The following SPPL2C variants were observed in gnomAD, a reference collection of about 807,000 sequenced individuals.
The protein encoded by SPPL2C is signal peptide peptidase like 2C.
In SPPL2C, 33 loss-of-function variants were observed where a neutral mutation model predicts 38.8. The observed-to-expected ratio is 0.85, with a 90% CI of 0.64 to 1.14. The LOEUF (loss-of-function observed/expected upper bound fraction) is 1.14. Among genes scored for constraint, SPPL2C ranks in the 50% most tolerant of loss-of-function variants. The pLI is 0.00. For missense variants in SPPL2C, 899 were observed against 904.4 expected (o/e 0.99, Z 0.08); for synonymous variants, 384 against 390.7 (o/e 0.98, Z 0.20).
chr17:45,845,157 C>G lies in SPPL2C; in HGVS notation c.251C>G (p.Pro84Arg). Residue 84 changes from proline to arginine, a missense_variant, in exon 1 of 1, where the codon CCC (proline) becomes CGC (arginine). Transcript: ENST00000329196. ...CCCCACCAGGCCCAGCTCCGCTCCC[C>G]CAGCCAGCGGCCCCTCCGCCAGACC... ...DSPHQAQLRS[P>R]SQRPLRQTTA... 6.2e-7 allele frequency: 1 copy of G among 1,612,250 alleles called. No homozygotes were observed. The highest frequency in any genetic ancestry group is 8.5e-7 in the Non-Finnish European group (1 of 1,178,594).
In SPPL2C at chr17:45,845,442, C is replaced by A; in HGVS notation, c.536C>A (p.Pro179Gln). ...GTCCGCGTGGCCATGTACGCACCCC[C>A]AGAGCCCATCATCGACTACAACATG... Reference protein sequence around the residue: ...AVVRVAMYAPPEPIIDYNMLV... With the variant: ...AVVRVAMYAPQEPIIDYNMLV... Residue 179 changes from proline (P) to glutamine (Q), a missense_variant, in exon 1 of 1, where the codon CCA (proline) becomes CAA (glutamine). Transcript: ENST00000329196. 6.2e-7 allele frequency: 1 copy of A among 1,611,804 alleles called. No homozygotes were observed.
rs771564037 is a variant in SPPL2C, at chr17:45,845,571, G to C, written c.665G>C (p.Gly222Ala). ...RLQRRRARRG[G>A]GSGGHHQLQE... is the part of the protein sequence containing the mutation. ...CAGCGGCGCCGTGCCCGAAGAGGAG[G>C]GGGGTCTGGTGGTCACCATCAGCTG... Residue 222 changes from glycine to alanine, a missense_variant, in exon 1 of 1, where the codon GGG becomes GCG. Transcript: ENST00000329196. 4.4e-6 allele frequency: 7 copies of C among 1,605,032 alleles called. No homozygotes were observed. Among genetic ancestry groups the C allele is most frequent in the Admixed American group, 3.3e-5 (2 of 59,886 alleles).
At position 45,846,660 on chromosome 17, in the gene SPPL2C, C is replaced by A; in HGVS notation, c.1754C>A (p.Thr585Asn). The change falls in exon 1 of 1, where the codon ACC becomes AAC. Residue 585 changes from threonine to asparagine, a missense_variant. Coordinates refer to ENST00000329196, the MANE Select transcript of SPPL2C (RefSeq NM_175882.3). ...GGAGAAGACACCACTGAGATTGTCA[C>A]CATATCTGAGAATGAAGCCACCAAT... Reference protein sequence around the residue: ...NPGEDTTEIVTISENEATNPE... With the variant: ...NPGEDTTEIVNISENEATNPE... 7 of 1,614,222 alleles carry A rather than the reference C, an allele frequency of 4.3e-6. No homozygotes were observed. The highest frequency in any genetic ancestry group is 5.9e-6 in the Non-Finnish European group (7 of 1,180,046).
chr17:45,846,217 C>A lies in SPPL2C; in HGVS notation c.1311C>A (p.Cys437Ter). 6.2e-7 allele frequency: 1 copy of A among 1,614,202 alleles called. No individual in the cohort carries two copies. Among genetic ancestry groups the A allele is most frequent in the South Asian group, 1.1e-5 (1 of 91,080 alleles). ...PRLRVSALTLCSQPFSILGFG... is the reference protein window; with the variant it reads ...PRLRVSALTL Reference sequence around the variant, plus strand: ...TAAGAGTCTCCGCCTTGACCCTGTGCAGCCAGCCCTTCTCCATCCTTGGCT... The same window carrying A: ...TAAGAGTCTCCGCCTTGACCCTGTGAAGCCAGCCCTTCTCCATCCTTGGCT... The change falls in exon 1 of 1, where the codon TGC becomes TGA. Residue 437 changes from cysteine to a stop codon, truncating the protein, a stop_gained. Coordinates refer to ENST00000329196, the MANE Select transcript of SPPL2C (RefSeq NM_175882.3). LOFTEE classifies it high-confidence loss of function.
In SPPL2C at chr17:45,846,040, C is replaced by T. The variant is rs760501071; in HGVS notation, c.1134C>T (p.Phe378=). ...RLPTLKNCSS[F]LLALLAFDVF... Reference sequence around the variant, plus strand: ...CCACTCTCAAGAACTGCTCCTCCTTCCTGCTGGCCCTGCTGGCCTTTGATG... The same window carrying T: ...CCACTCTCAAGAACTGCTCCTCCTTTCTGCTGGCCCTGCTGGCCTTTGATG... The change falls in exon 1 of 1, where the codon TTC becomes TTT. Residue 378 remains phenylalanine, a synonymous_variant. Coordinates refer to ENST00000329196, the MANE Select transcript of SPPL2C (RefSeq NM_175882.3). 4.3e-6 allele frequency: 7 copies of T among 1,614,084 alleles called. No homozygotes were observed. Among genetic ancestry groups the T allele is most frequent in the Admixed American group, 3.3e-5 (2 of 60,012 alleles).
rs1443925918 is a variant in SPPL2C, at chr17:45,846,544, G to A, written c.1638G>A (p.Arg546=). The A allele has an allele frequency of 6.2e-7, 1 of 1,612,580 alleles. No individual in the cohort carries two copies. The highest frequency in any genetic ancestry group is 8.5e-7 in the Non-Finnish European group (1 of 1,179,964). Residue 546 remains arginine, a synonymous_variant, in exon 1 of 1, where the codon AGG becomes AGA. Coordinates refer to ENST00000329196, the MANE Select transcript of SPPL2C (RefSeq NM_175882.3). ...GLGCAPSAGS[R]QKQEGAADAH... ...GCTGTGCCCCTTCAGCTGGCTCTAG[G>A]CAGAAGCAGGAGGGCGCAGCAGATG...
Position 45,845,826 on chromosome 17 carries a change from G to C in SPPL2C, c.920G>C (p.Arg307Pro), listed in dbSNP as rs148362814. The C allele has an allele frequency of 6.2e-7, 1 of 1,606,896 alleles. No homozygotes were observed. The highest frequency in any genetic ancestry group is 1.3e-5 in the African/African-American group (1 of 75,042). Residue 307 changes from arginine to proline, a missense_variant, in exon 1 of 1, where the codon CGG becomes CCG. Transcript: ENST00000329196. Reference protein sequence around the residue: ...LSPLVCRLSLRQYQRPPHSLW... With the variant: ...LSPLVCRLSLPQYQRPPHSLW... ...CCCCTGGTGTGCCGCCTGTCCCTGC[G>C]GCAATACCAGAGGCCTCCGCACAGC...
Position 45,845,905 on chromosome 17 carries a change from C to G in SPPL2C, c.999C>G (p.Thr333=). 1.2e-6 allele frequency: 2 copies of G among 1,606,966 alleles called. No homozygotes were observed. Among genetic ancestry groups the G allele is most frequent in the South Asian group, 1.1e-5 (1 of 91,088 alleles). ...PLLLLASLCA[T]VIIFWVAYRN... ...TGCTGCTGGCGAGCCTGTGCGCAACCGTGATCATCTTCTGGGTGGCCTACC... is the reference window on the plus strand; with the variant it reads ...TGCTGCTGGCGAGCCTGTGCGCAACGGTGATCATCTTCTGGGTGGCCTACC... The change falls in exon 1 of 1, where the codon ACC becomes ACG. Residue 333 remains threonine (T), a synonymous_variant. Coordinates refer to ENST00000329196, the MANE Select transcript of SPPL2C (RefSeq NM_175882.3).
At position 45,845,146 on chromosome 17, in the gene SPPL2C, G is replaced by A. The variant is rs751411328; in HGVS notation, c.240G>A (p.Gln80=). The A allele has an allele frequency of 6.2e-7, 1 of 1,611,808 alleles. No individual in the cohort carries two copies. The highest frequency in any genetic ancestry group is 1.7e-5 in the Admixed American group (1 of 59,964). ...CPGEDSPHQA[Q]LRSPSQRPLR... ...GTGAGGATTCCCCCCACCAGGCCCA[G>A]CTCCGCTCCCCCAGCCAGCGGCCCC... is the stretch of plus-strand genomic sequence containing the variant. Residue 80 remains glutamine, a synonymous_variant, in exon 1 of 1, where the codon CAG becomes CAA. Coordinates refer to ENST00000329196, the MANE Select transcript of SPPL2C (RefSeq NM_175882.3).
In SPPL2C at chr17:45,846,990, A is replaced by C; in HGVS notation, c.*29A>C. 17 of 1,515,680 alleles carry C rather than the reference A, an allele frequency of 1.1e-5. No individual in the cohort carries two copies. The highest frequency in any genetic ancestry group is 1.4e-5 in the Non-Finnish European group (16 of 1,137,288). 93.9% of individuals were successfully genotyped at this position (1,515,680 alleles called of 1,614,324 possible). On this transcript the variant is annotated 3_prime_UTR_variant, in exon 1 of 1. Coordinates refer to ENST00000329196, the MANE Select transcript of SPPL2C (RefSeq NM_175882.3). Reference sequence around the variant, plus strand: ...GGAGGCACTGGGACACACGCCTCTCAAAGGGCTGGTGGAACATTGCAGAGC... The same window carrying C: ...GGAGGCACTGGGACACACGCCTCTCCAAGGGCTGGTGGAACATTGCAGAGC...
chr17:45,845,386 C>T lies in SPPL2C; in HGVS notation c.480C>T (p.Asp160=). ...VAMLHYADML[D]ILSHTRGEAV... ...TGCTCCACTATGCTGACATGCTGGA[C>T]ATCCTCAGCCACACTCGTGGGGAGG... Residue 160 remains aspartate (D), a synonymous_variant, in exon 1 of 1, where the codon GAC becomes GAT. Coordinates refer to ENST00000329196, the MANE Select transcript of SPPL2C (RefSeq NM_175882.3). The T allele has an allele frequency of 6.2e-7, 1 of 1,613,718 alleles. No individual in the cohort carries two copies. The highest frequency in any genetic ancestry group is 8.5e-7 in the Non-Finnish European group (1 of 1,180,036).
rs1321905466 is a variant in SPPL2C, at chr17:45,844,975, G to A, written c.69G>A (p.Lys23=). 1 of 1,614,024 alleles carries A rather than the reference G, an allele frequency of 6.2e-7. No individual in the cohort carries two copies. The highest frequency in any genetic ancestry group is 8.5e-7 in the Non-Finnish European group (1 of 1,179,994). Residue 23 remains lysine, a synonymous_variant, in exon 1 of 1, where the codon AAG becomes AAA. Coordinates refer to ENST00000329196, the MANE Select transcript of SPPL2C (RefSeq NM_175882.3). ...LLLISTVAGG[K]YGVAHVVSEN... ...TCATCAGCACCGTGGCCGGGGGAAA[G>A]TACGGCGTGGCCCACGTGGTGTCGG...
Position 45,846,312 on chromosome 17 carries a change from G to T in SPPL2C, c.1406G>T (p.Arg469Leu). 1 of 1,614,046 alleles carries T rather than the reference G, an allele frequency of 6.2e-7. No homozygotes were observed. The highest frequency in any genetic ancestry group is 8.5e-7 in the Non-Finnish European group (1 of 1,180,024). ...CGCTTTGATGTGCAAGTCTGCTCCCGTCAGATCTACTTCGTGGCCTGCACC... is the reference window on the plus strand; with the variant it reads ...CGCTTTGATGTGCAAGTCTGCTCCCTTCAGATCTACTTCGTGGCCTGCACC... ...CCRFDVQVCS[R>L]QIYFVACTVA... is the part of the protein sequence containing the mutation. Residue 469 changes from arginine to leucine, a missense_variant, in exon 1 of 1, where the codon CGT becomes CTT. Transcript: ENST00000329196.
chr17:45,844,951 C>T lies in SPPL2C; in HGVS notation c.45C>T (p.Leu15=), dbSNP rs1192248851. The change falls in exon 1 of 1, where the codon CTC becomes CTT. Residue 15 remains leucine (L), a synonymous_variant. Transcript: ENST00000329196. ...GFLLPVGFLL[L]ISTVAGGKYG... is the part of the protein sequence containing the mutation. ...TCCTCCCCGTGGGCTTCCTCCTCCT[C>T]ATCAGCACCGTGGCCGGGGGAAAGT... 1 of 1,613,900 alleles carries T rather than the reference C, an allele frequency of 6.2e-7. No homozygotes were observed.
rs150398987 is a variant in SPPL2C, at chr17:45,846,603, G to C, written c.1697G>C (p.Ser566Thr). The C allele has an allele frequency of 1.2e-5, 20 of 1,614,004 alleles. No homozygotes were observed. The highest frequency in any genetic ancestry group is 1.5e-5 in the Non-Finnish European group (18 of 1,180,044). ...HTASTLERGT[S>T]RGAGDLDSNP... ...GCCAGCACACTTGAGAGAGGCACCA[G>C]CCGAGGAGCAGGGGACTTAGACAGC... Residue 566 changes from serine to threonine, a missense_variant, in exon 1 of 1, where the codon AGC becomes ACC. Physicochemically the swap from Ser to Thr is moderately conservative, Grantham distance 58 (BLOSUM62 1). Coordinates refer to ENST00000329196, the MANE Select transcript of SPPL2C (RefSeq NM_175882.3).
In SPPL2C at chr17:45,846,804, T is replaced by A. The variant is rs762832275; in HGVS notation, c.1898T>A (p.Met633Lys). Residue 633 changes from methionine to lysine, a missense_variant, in exon 1 of 1, where the codon ATG becomes AAG. Coordinates refer to ENST00000329196, the MANE Select transcript of SPPL2C (RefSeq NM_175882.3). ...EELMPLMPMA[M>K]LIPLMPLMPP... is the part of the protein sequence containing the mutation. ...CTGATGCCACTGATGCCAATGGCCATGCTGATCCCACTCATGCCCCTGATG... is the reference window on the plus strand; with the variant it reads ...CTGATGCCACTGATGCCAATGGCCAAGCTGATCCCACTCATGCCCCTGATG... 12 of 1,614,026 alleles carry A rather than the reference T, an allele frequency of 7.4e-6. 1 individual carries two copies. The South Asian group carries it at 7.7e-5, about 10-fold the overall frequency.
In SPPL2C at chr17:45,845,128, T is replaced by A. The variant is rs1288965694; in HGVS notation, c.222T>A (p.Asp74Glu). 1.9e-6 allele frequency: 3 copies of A among 1,610,472 alleles called. No individual in the cohort carries two copies. Among genetic ancestry groups the A allele is most frequent in the Admixed American group, 1.7e-5 (1 of 59,954 alleles). ...AGGCACCCTGGTGCCCGGGTGAGGA[T>A]TCCCCCCACCAGGCCCAGCTCCGCT... ...GTKAPWCPGE[D>E]SPHQAQLRSP... is the part of the protein sequence containing the mutation. Residue 74 changes from aspartate to glutamate, a missense_variant, in exon 1 of 1, where the codon GAT becomes GAA. Asp to Glu is a conservative substitution (Grantham distance 45, BLOSUM62 2). Coordinates refer to ENST00000329196, the MANE Select transcript of SPPL2C (RefSeq NM_175882.3).
Position 45,846,899 on chromosome 17 carries a change from G to A in SPPL2C, c.1993G>A (p.Gly665Arg), listed in dbSNP as rs993069194. 1.5e-5 allele frequency: 24 copies of A among 1,602,484 alleles called. No homozygotes were observed. The African/African-American group carries it at 3.1e-4, about 21-fold the overall frequency. ...CCACGAGACTGGCCTGCCCTGGGCG[G>A]GACTCCACAAGAGGAAGGGTTTGAA... ...QAHETGLPWA[G>R]LHKRKGLKVR... Residue 665 changes from glycine to arginine, a missense_variant, in exon 1 of 1, where the codon GGA becomes AGA. By Grantham distance (125) the Gly-to-Arg change is moderately radical (BLOSUM62 -2). Transcript: ENST00000329196.
At position 45,846,572 on chromosome 17, in the gene SPPL2C, C is replaced by T. The variant is rs762275926; in HGVS notation, c.1666C>T (p.His556Tyr). Reference protein sequence around the residue: ...RQKQEGAADAHTASTLERGTS... With the variant: ...RQKQEGAADAYTASTLERGTS... ...GAAGCAGGAGGGCGCAGCAGATGCC[C>T]ACACAGCCAGCACACTTGAGAGAGG... Residue 556 changes from histidine to tyrosine, a missense_variant, in exon 1 of 1, where the codon CAC becomes TAC. Physicochemically the swap from His to Tyr is moderately conservative, Grantham distance 83. Coordinates refer to ENST00000329196, the MANE Select transcript of SPPL2C (RefSeq NM_175882.3). The T allele has an allele frequency of 6.2e-7, 1 of 1,613,498 alleles. No individual in the cohort carries two copies. Among genetic ancestry groups the T allele is most frequent in the South Asian group, 1.1e-5 (1 of 91,084 alleles).
Sources: gnomAD v4.1 joint callset for allele counts on GRCh38, gnomAD v4.1.1 for gene constraint, MANE v1.5 for transcripts, NCBI Gene and HGNC (gene_info 2026-07-23, HGNC 2026-07-21) for gene names.